Variants in ABCB5 observed in about 807,000 individuals in gnomAD.
The protein encoded by ABCB5 is ATP binding cassette subfamily B member 5.
ABCB5 carries 155 observed loss-of-function variants against 144.2 expected under a neutral mutation model. The ratio of observed to expected loss-of-function variants is 1.08; its 90% CI spans 0.94 to 1.23. ABCB5 has a LOEUF of 1.23. Ranked by LOEUF, ABCB5 falls within the 50% of genes most tolerant of loss-of-function variation. ABCB5 has a pLI of 0.00. For synonymous variants in ABCB5, 610 were observed against 528.6 expected (o/e 1.15, Z -2.11); for missense variants, 1,830 against 1,520.8 (o/e 1.20, Z -3.38).
At chr7:20,747,514 C>T (rs930777270) in intron 26 of ABCB5, among the ~76,000 whole-genome samples, 1 of 152,192 alleles carries the variant, frequency 6.6e-6, no homozygotes, top group African/African-American at 2.4e-5. Context: ...CCACCTCGGT[C>T]TCCCAAAGTT....
At chr7:20,708,138 G>C (rs1786884899) in intron 20 of ABCB5, among the ~76,000 whole-genome samples, 1 of 152,088 alleles carries the variant, frequency 6.6e-6, no homozygotes, top group Admixed American at 6.6e-5. Context: ...TTTTGACATG[G>C]GAAGTGTGTA....
intron 7 of ABCB5, among the ~76,000 whole-genome samples, chr7:20,644,538 A>C (rs751253498): frequency 1.3e-5 from 2 of 152,216 alleles, no homozygotes; most frequent in Non-Finnish European, 2.9e-5. Flanking sequence ...ATAACACAAA[A>C]TTGTAATCTT....
At chr7:20,635,768 C>T (rs935019506) in intron 5 of ABCB5, among the ~76,000 whole-genome samples, 9 of 152,094 alleles carry the variant, frequency 5.9e-5, no homozygotes, top group African/African-American at 2.2e-4. Context: ...TGAGTCTTGA[C>T]TGAATTTGTT....
chr7:20,712,158 C>CAAAAAAAAAAAAAAAAAA (rs34938819), intron 20 of ABCB5, among the ~76,000 whole-genome samples: 1 of 52,646 alleles, frequency 1.9e-5, no homozygotes, highest in African/African-American at 8.2e-5. Flanking sequence ...AAGACGCCGT[C>CAAAAAAAAAAAAAAAAAA]AAAAAAAAAA....
At position 20,619,669 on chromosome 7, in the gene ABCB5, G is replaced by A. The variant is rs1296747526; in HGVS notation, c.-21-3596G>A. On this transcript the variant is annotated intron_variant, in intron 1 of 27. Coordinates refer to ENST00000404938, the MANE Select transcript of ABCB5 (RefSeq NM_001163941.2). ...TTGAAGTTTCTCTTGCTGTGCAGAA[G>A]CTCTTTAGTTTACTTAGGTCCCATC... 2.0e-5 allele frequency among the ~76,000 whole-genome samples: 3 copies of A among 152,136 alleles called. No homozygotes were observed. In the East Asian group the frequency reaches 5.8e-4, roughly 29 times the overall value.
chr7:20,725,163 T>C (rs995178283), intron 21 of ABCB5, among the ~76,000 whole-genome samples: 36 of 152,224 alleles, frequency 2.4e-4, no homozygotes, highest in Admixed American at 3.3e-4. Flanking sequence ...TGGAGGCATT[T>C]CCCTATGGCT....
At chr7:20,691,183 T>C (rs1165917140) in intron 16 of ABCB5, among the ~76,000 whole-genome samples, 3 of 134,522 alleles carry the variant, frequency 2.2e-5, no homozygotes, top group African/African-American at 8.3e-5. Flanking sequence ...TTTTTTTTTT[T>C]TTTTTTTTTT....
intron 3 of ABCB5, 34 bp from the exon 4 acceptor site, chr7:20,628,654 C>A (rs78414512): frequency 0.13 from 213,824 of 1,590,304 alleles, 16,061 homozygotes; most frequent in Non-Finnish European, 0.15. Flanking sequence ...GTTTGTTTTA[C>A]AGTTGTGGTG....
At chr7:20,702,828 A>ATTTTTTT in intron 19 of ABCB5, among the ~76,000 whole-genome samples, 1 of 114,120 alleles carries the variant, frequency 8.8e-6, no homozygotes, top group Non-Finnish European at 1.8e-5. Flanking sequence ...CGCCTGGCTA[A>ATTTTTTT]TTTTTTTTTT....
chr7:20,753,942 T>A (rs1783007795), intron 27 of ABCB5, among the ~76,000 whole-genome samples: 2 of 152,194 alleles, frequency 1.3e-5, no homozygotes, highest in Non-Finnish European at 2.9e-5. Context: ...CTCAGCCTAG[T>A]TTGAGCGGGA....
chr7:20,630,379 CAAATCTTTAAAGCAAAAAAAA>C (rs922635497), intron 4 of ABCB5, among the ~76,000 whole-genome samples: 43 of 149,760 alleles, frequency 2.9e-4, no homozygotes, highest in African/African-American at 9.6e-4. Flanking sequence ...TTCCAAAAAG[CAAATCTTTAAAGCAAAAAAAA>C]AAATCTTTAA....
chr7:20,616,077 C>A (rs576617849), intron 1 of ABCB5, among the ~76,000 whole-genome samples: 5 of 152,256 alleles, frequency 3.3e-5, no homozygotes, highest in African/African-American at 1.2e-4. Flanking sequence ...ACTCTGTCAC[C>A]CAGGCTGGAG....
chr7:20,751,217 T>C (rs1265880618), intron 26 of ABCB5, among the ~76,000 whole-genome samples: 1 of 151,992 alleles, frequency 6.6e-6, no homozygotes, highest in Non-Finnish European at 1.5e-5. Flanking sequence ...AGAAAATGGA[T>C]TCAAATTTTC....
chr7:20,644,632 C>A lies in ABCB5; in HGVS notation c.678+1000C>A, dbSNP rs573301534. ...TGTAATATTATTCTTCAAATCATAT[C>A]TTTTGGAAATTCTACCATTGTATAT... On this transcript the variant is annotated intron_variant, in intron 7 of 27. Transcript: ENST00000404938. Among the ~76,000 whole-genome samples the A allele has an allele frequency of 2.0e-3, 306 of 152,266 alleles. 3 individuals are homozygous for A. Among genetic ancestry groups the A allele is most frequent in the African/African-American group, 7.1e-3 (297 of 41,540 alleles).
intron 23 of ABCB5, among the ~76,000 whole-genome samples, chr7:20,732,621 A>G (rs1048607127): frequency 2.6e-5 from 4 of 152,202 alleles, no homozygotes; most frequent in African/African-American, 9.7e-5. Flanking sequence ...TCACCTTCAC[A>G]CTTTGAAAAC....
At chr7:20,630,271 CT>C (rs1381762232) in intron 4 of ABCB5, among the ~76,000 whole-genome samples, 1 of 152,084 alleles carries the variant, frequency 6.6e-6, no homozygotes, top group African/African-American at 2.4e-5. Flanking sequence ...CCCAGACTGT[CT>C]TTTCATCAAC....
At chr7:20,711,796 C>T (rs554204298) in intron 20 of ABCB5, among the ~76,000 whole-genome samples, 27 of 37,474 alleles carry the variant, frequency 7.2e-4, no homozygotes, top group Admixed American at 1.1e-3. Context: ...TTCTTTCTTT[C>T]TTTCTTTCTT....
intron 16 of ABCB5, among the ~76,000 whole-genome samples, chr7:20,692,070 T>C (rs1786249157): frequency 6.6e-6 from 1 of 152,096 alleles, no homozygotes. Context: ...GTCCAAATCA[T>C]TGAAGAAATA....
Position 20,628,752 on chromosome 7 carries a change from A to G in ABCB5, c.173A>G (p.Asn58Ser). ...CTGGGTATACTGGCATCACTGGTCA[A>G]TGGAGCCTGCCTTCCTTTAATGCCA... is the stretch of plus-strand genomic sequence containing the variant. The part of the protein sequence containing the change: ...MILGILASLV[N>S]GACLPLMPLV... The change falls in exon 4 of 28, where the codon AAT becomes AGT. Residue 58 changes from asparagine to serine, a missense_variant. Coordinates refer to ENST00000404938, the MANE Select transcript of ABCB5 (RefSeq NM_001163941.2). 5 of 1,613,704 alleles carry G rather than the reference A, an allele frequency of 3.1e-6. No homozygotes were observed. Among genetic ancestry groups the G allele is most frequent in the Non-Finnish European group, 4.2e-6 (5 of 1,179,812 alleles).
Sources: gnomAD v4.1 joint callset for allele counts (sites outside exome capture counted in the v4.1 genomes callset) on GRCh38, gnomAD v4.1.1 for gene constraint, MANE v1.5 for transcripts, NCBI Gene and HGNC (gene_info 2026-07-23, HGNC 2026-07-21) for gene names.